Variants in ST7 observed in about 807,000 individuals in gnomAD.
ST7 encodes the protein suppressor of tumorigenicity 7 protein.
In ST7, 28 loss-of-function variants were observed where a neutral mutation model predicts 78.7. That is an observed-to-expected ratio of 0.36 (90% CI 0.26 to 0.49). The LOEUF (loss-of-function observed/expected upper bound fraction) is 0.49, where lower values mean the gene tolerates loss of function less well. ST7 is among the 20% of genes least tolerant of loss of function. The probability of loss-of-function intolerance (pLI) is 0.99; values close to 1 mark genes in which losing one functional copy is unlikely to be tolerated. For synonymous variants in ST7, 247 were observed against 249.6 expected (o/e 0.99, Z 0.10); for missense variants, 418 against 696.0 (o/e 0.60, Z 4.49).
chr7:116,958,207 G>A (rs1458938171), intron 1 of ST7, among the ~76,000 whole-genome samples: 1 of 112,174 alleles, frequency 8.9e-6, no homozygotes, highest in East Asian at 2.7e-4. Flanking sequence ...GGTCCCCTGT[G>A]TTCTTGAACT....
At chr7:116,968,511 A>C (rs1213139755) in intron 1 of ST7, 1 of 422,242 alleles carries the variant, frequency 2.4e-6, no homozygotes, top group Non-Finnish European at 4.8e-6. Flanking sequence ...CTGGCTTAGA[A>C]AAGGACTTTA....
chr7:117,159,149 GC>G (rs1806932681), intron 9 of ST7, among the ~76,000 whole-genome samples: 1 of 152,194 alleles, frequency 6.6e-6, no homozygotes, highest in African/African-American at 2.4e-5. Flanking sequence ...CTGTAAGTCA[GC>G]TGAGAAAAAG....
intron 1 of ST7, chr7:116,966,156 A>C (rs1308595510): frequency 2.3e-6 from 1 of 435,068 alleles, no homozygotes; most frequent in South Asian, 1.7e-5. Flanking sequence ...ATATGTAGAC[A>C]TTAAGACAGT....
intron 9 of ST7, among the ~76,000 whole-genome samples, chr7:117,154,349 G>GAGAAATA (rs1806520666): frequency 6.6e-6 from 1 of 152,202 alleles, no homozygotes; most frequent in Admixed American, 6.5e-5. Context: ...CCAGAACTGT[G>GAGAAATA]AGAAATAGAT....
At chr7:117,124,259 C>G (rs1337988452) in intron 3 of ST7, among the ~76,000 whole-genome samples, 1 of 152,128 alleles carries the variant, frequency 6.6e-6, no homozygotes, top group Non-Finnish European at 1.5e-5. Flanking sequence ...AACTAACACT[C>G]TTAGTGTCTG....
chr7:117,038,140 A>G (rs1213606552), intron 1 of ST7, among the ~76,000 whole-genome samples: 1 of 152,220 alleles, frequency 6.6e-6, no homozygotes, highest in Admixed American at 6.5e-5. Flanking sequence ...AACTCCCAGT[A>G]CACTAAATAA....
chr7:117,136,262 TG>T (rs764155883), intron 8 of ST7, 27 bp downstream of exon 8: 2 of 1,613,412 alleles, frequency 1.2e-6, no homozygotes, highest in South Asian at 1.1e-5. Context: ...GTTGATGCAT[TG>T]GGGGATCAGA....
intron 1 of ST7, among the ~76,000 whole-genome samples, chr7:117,009,209 T>C (rs1795275169): frequency 6.6e-6 from 1 of 151,986 alleles, no homozygotes; most frequent in Non-Finnish European, 1.5e-5. Flanking sequence ...ACTGCAGCTG[T>C]ATGCTACAGC....
chr7:116,967,710 A>C (rs529278744), intron 1 of ST7, among the ~76,000 whole-genome samples: 1 of 152,370 alleles, frequency 6.6e-6, no homozygotes, highest in East Asian at 1.9e-4. Context: ...ATGAGATACT[A>C]TGAAAAAAGC....
intron 1 of ST7, among the ~76,000 whole-genome samples, chr7:117,010,200 T>A (rs1020109550): frequency 6.6e-6 from 1 of 152,206 alleles, no homozygotes; most frequent in African/African-American, 2.4e-5. Context: ...AGCACTGGTC[T>A]GGGTCATGAT....
intron 1 of ST7, among the ~76,000 whole-genome samples, chr7:117,089,046 T>C (rs1394061960): frequency 6.6e-6 from 1 of 152,214 alleles, no homozygotes; most frequent in Non-Finnish European, 1.5e-5. Context: ...GTAGTTCCAG[T>C]GCACATCTTT....
rs1793515243 is a variant in ST7, at chr7:116,973,083, AT to A, written c.151+19394del. On this transcript the variant is annotated intron_variant, in intron 1 of 15. Coordinates refer to ENST00000323984, the MANE Select transcript of ST7 (RefSeq NM_001369598.1). ...TTATAATCCAATACTACTTTATTTC[AT>A]TGTTCACATTTTTCCAGTTTTGGTC... Among the ~76,000 whole-genome samples the A allele has an allele frequency of 2.0e-5, 3 of 151,396 alleles. No homozygotes were observed. In the South Asian group the frequency reaches 6.3e-4, roughly 32 times the overall value.
intron 9 of ST7, among the ~76,000 whole-genome samples, chr7:117,157,008 TG>T (rs1199660721): frequency 1.3e-5 from 2 of 152,152 alleles, no homozygotes; most frequent in African/African-American, 4.8e-5. Context: ...GGTTACCAGA[TG>T]GGATGTTCAC....
chr7:117,018,631 C>T (rs996684303), intron 1 of ST7, among the ~76,000 whole-genome samples: 1 of 152,140 alleles, frequency 6.6e-6, no homozygotes, highest in African/African-American at 2.4e-5. Context: ...GATCCAGACT[C>T]CTGAGTTTGA....
chr7:117,051,058 A>G (rs1341524500), intron 1 of ST7, among the ~76,000 whole-genome samples: 1 of 152,208 alleles, frequency 6.6e-6, no homozygotes. Context: ...ACAGACCTAC[A>G]CAGTTCAAAT....
At chr7:117,026,746 G>A (rs1796202095) in intron 1 of ST7, among the ~76,000 whole-genome samples, 1 of 152,190 alleles carries the variant, frequency 6.6e-6, no homozygotes, top group Non-Finnish European at 1.5e-5. Flanking sequence ...AGGGGAACTG[G>A]CCTTTGGGGG....
chr7:116,961,171 G>A (rs537517766), intron 1 of ST7, among the ~76,000 whole-genome samples: 1 of 152,236 alleles, frequency 6.6e-6, no homozygotes, highest in Non-Finnish European at 1.5e-5. Flanking sequence ...TGGTCTATGT[G>A]TCTGTTTTTG....
rs770533098 is a variant in ST7, at chr7:116,953,735, C to T, written c.151+44C>T. On this transcript the variant is annotated intron_variant, in intron 1 of 15. Coordinates refer to ENST00000323984, the MANE Select transcript of ST7 (RefSeq NM_001369598.1). ...GCCCGCGGCGCCCACCCCTCCCCCG[C>T]CCCGGAAAGTTAGTGCAACTCGCGC... 4 of 1,343,806 alleles carry T rather than the reference C, an allele frequency of 3.0e-6. No individual in the cohort carries two copies. In the South Asian group the frequency reaches 6.5e-5, roughly 22 times the overall value. The allele number at this position is 1,343,806 out of a possible 1,614,324, so 83.2% of individuals were successfully genotyped here. A position where few individuals can be genotyped will look rare whatever the true frequency, so the allele number is the denominator to read the frequency against.
intron 1 of ST7, among the ~76,000 whole-genome samples, chr7:117,069,458 TA>T (rs1232815794): frequency 6.6e-6 from 1 of 152,250 alleles, no homozygotes; most frequent in African/African-American, 2.4e-5. Context: ...TACTGGAATT[TA>T]AATGCCATTT....
Sources: allele counts gnomAD v4.1 joint callset (sites outside exome capture counted in the v4.1 genomes callset), GRCh38; gene constraint gnomAD v4.1.1; transcripts MANE v1.5; gene names NCBI Gene and HGNC (gene_info 2026-07-23, HGNC 2026-07-21).